The following PDE7B variants were observed in gnomAD, a reference collection of about 807,000 sequenced individuals.
PDE7B encodes phosphodiesterase 7B.
Under a neutral mutation model 56.2 loss-of-function variants are expected in PDE7B, and 29 were observed. The ratio of observed to expected loss-of-function variants is 0.52; its 90% CI spans 0.38 to 0.70. The LOEUF is 0.70. Ranked by LOEUF, PDE7B falls within the 30% of genes least tolerant of loss-of-function variation. PDE7B has a pLI of 0.00. For synonymous variants in PDE7B, 197 were observed against 196.9 expected (o/e 1.00, Z 0.00); for missense variants, 490 against 565.0 (o/e 0.87, Z 1.35).
At chr6:136,095,422 C>T (rs1777456515) in intron 2 of PDE7B, among the ~76,000 whole-genome samples, 2 of 151,906 alleles carry the variant, frequency 1.3e-5, no homozygotes, top group Admixed American at 6.6e-5. Context: ...CAGTTTTATC[C>T]AGTTTTACCC....
chr6:136,033,588 C>T (rs1326645772), intron 2 of PDE7B, among the ~76,000 whole-genome samples: 1 of 152,162 alleles, frequency 6.6e-6, no homozygotes, highest in African/African-American at 2.4e-5. Flanking sequence ...TCCTACTTCG[C>T]CCCACCTGTC....
intron 8 of PDE7B, among the ~76,000 whole-genome samples, chr6:136,161,469 C>A (rs1342086065): frequency 6.6e-6 from 1 of 152,166 alleles, no homozygotes; most frequent in Non-Finnish European, 1.5e-5. Context: ...GTACACCATG[C>A]AGAAGGAGTA....
At chr6:135,998,770 T>C (rs1439622836) in intron 2 of PDE7B, among the ~76,000 whole-genome samples, 1 of 137,476 alleles carries the variant, frequency 7.3e-6, no homozygotes, top group African/African-American at 2.6e-5. Flanking sequence ...TAAAAAAAAA[T>C]AAAAAATAAA....
intron 2 of PDE7B, among the ~76,000 whole-genome samples, chr6:136,041,849 AGGCATCCGG>A (rs2128210019): frequency 6.6e-6 from 1 of 152,336 alleles, no homozygotes; most frequent in Admixed American, 6.5e-5. Context: ...AGACTCAATA[AGGCATCCGG>A]GATCACACAC....
chr6:136,088,154 G>A (rs1416246765), intron 2 of PDE7B, among the ~76,000 whole-genome samples: 2 of 152,174 alleles, frequency 1.3e-5, no homozygotes, highest in African/African-American at 2.4e-5. Context: ...CGGCTAAGGA[G>A]CATTCCTGAA....
At chr6:135,890,759 C>T (rs1775796853) in intron 1 of PDE7B, among the ~76,000 whole-genome samples, 1 of 152,060 alleles carries the variant, frequency 6.6e-6, no homozygotes, top group African/African-American at 2.4e-5. Context: ...CTTCGAGGTC[C>T]GGGGAGGAAA....
At chr6:136,106,700 A>C (rs1777649668) in intron 2 of PDE7B, among the ~76,000 whole-genome samples, 2 of 152,198 alleles carry the variant, frequency 1.3e-5, no homozygotes, top group Non-Finnish European at 1.5e-5. Flanking sequence ...ATGAAGGTCC[A>C]ATGAGAAAAA....
At chr6:135,855,424 G>T (rs1775007814) in intron 1 of PDE7B, among the ~76,000 whole-genome samples, 1 of 152,074 alleles carries the variant, frequency 6.6e-6, no homozygotes, top group African/African-American at 2.4e-5. Flanking sequence ...TGAGAAGGAG[G>T]CAGTGATGGA....
intron 2 of PDE7B, among the ~76,000 whole-genome samples, chr6:136,032,585 C>T (rs1776260629): frequency 6.6e-6 from 1 of 152,188 alleles, no homozygotes; most frequent in Admixed American, 6.5e-5. Context: ...CTATATCCAA[C>T]AGCCCTGCCT....
chr6:136,105,883 C>T (rs565019908), intron 2 of PDE7B, among the ~76,000 whole-genome samples: 40 of 152,152 alleles, frequency 2.6e-4, no homozygotes, highest in Non-Finnish European at 5.6e-4. Flanking sequence ...AGGTGAAGAC[C>T]AGGAAGAAAT....
intron 1 of PDE7B, among the ~76,000 whole-genome samples, chr6:135,916,393 T>TTTTC (rs1288679443): frequency 9.7e-5 from 2 of 20,700 alleles, no homozygotes; most frequent in Non-Finnish European, 1.4e-4. Context: ...CTTTTCTTTC[T>TTTTC]TTTTTTTTTT....
At position 136,106,481 on chromosome 6, in the gene PDE7B, C is replaced by A. The variant is rs1436098991; in HGVS notation, c.83-2250C>A. Among the ~76,000 whole-genome samples the A allele has an allele frequency of 2.6e-5, 4 of 152,140 alleles. No homozygotes were observed. In the East Asian group the frequency reaches 7.7e-4, roughly 29 times the overall value. On this transcript the variant is annotated intron_variant, in intron 2 of 12. Transcript: ENST00000308191. ...TCTAACAGCCTAGATTTAAGTGCTA[C>A]CCCACTGACTATAAGCTGAAAGCAC...
At chr6:135,869,004 T>G (rs997010908) in intron 1 of PDE7B, among the ~76,000 whole-genome samples, 6 of 152,170 alleles carry the variant, frequency 3.9e-5, no homozygotes, top group Admixed American at 3.9e-4. Context: ...ATCAAGCCAT[T>G]GAAATGATCA....
chr6:136,005,744 T>G (rs867622178), intron 2 of PDE7B, among the ~76,000 whole-genome samples: 14 of 152,274 alleles, frequency 9.2e-5, no homozygotes, highest in Middle Eastern at 6.8e-3. Context: ...GGAACACTTT[T>G]ACACTGTTGG....
chr6:136,040,309 T>C (rs1313413598), intron 2 of PDE7B, among the ~76,000 whole-genome samples: 2 of 152,198 alleles, frequency 1.3e-5, no homozygotes, highest in Non-Finnish European at 2.9e-5. Flanking sequence ...CTGTGCCTCC[T>C]CACTCTCAGG....
chr6:135,900,838 C>T (rs896527257), intron 1 of PDE7B, among the ~76,000 whole-genome samples: 4 of 151,956 alleles, frequency 2.6e-5, no homozygotes, highest in South Asian at 4.2e-4. Context: ...CAGTGTTGAT[C>T]GTGGCAGATT....
chr6:136,111,158 G>A (rs1777740555), intron 3 of PDE7B: 2 of 151,826 alleles, frequency 1.3e-5, no homozygotes, highest in African/African-American at 2.4e-5. Context: ...TCCTTTATAG[G>A]TGGTCTCCAG....
intron 1 of PDE7B, among the ~76,000 whole-genome samples, chr6:135,906,035 C>T (rs1361678879): frequency 6.6e-6 from 1 of 152,050 alleles, no homozygotes; most frequent in South Asian, 2.1e-4. Context: ...TTCAATTGGA[C>T]GCTGCTGTTT....
chr6:135,995,810 G>T (rs1775554970), intron 2 of PDE7B, among the ~76,000 whole-genome samples: 1 of 151,928 alleles, frequency 6.6e-6, no homozygotes, highest in Non-Finnish European at 1.5e-5. Context: ...ATTTGTAAAT[G>T]GAATAATTGG....
Sources: allele counts gnomAD v4.1 joint callset (sites outside exome capture counted in the v4.1 genomes callset), GRCh38; gene constraint gnomAD v4.1.1; transcripts MANE v1.5; gene names NCBI Gene and HGNC (gene_info 2026-07-23, HGNC 2026-07-21).